Variants in ANK2 observed in about 807,000 individuals in gnomAD.
ANK2 encodes ankyrin-2.
A neutral mutation model predicts 360.5 loss-of-function variants in ANK2; 83 were observed. The ratio of observed to expected loss-of-function variants is 0.23; its 90% CI spans 0.19 to 0.28. The LOEUF is 0.28. ANK2 is among the 10% of genes least tolerant of loss of function. The probability of loss-of-function intolerance (pLI) is 1.00; values close to 1 mark genes in which losing one functional copy is unlikely to be tolerated. For missense variants in ANK2, 4,201 were observed against 4,795.7 expected (o/e 0.88, Z 3.66); for synonymous variants, 1,740 against 1,759.5 (o/e 0.99, Z 0.28).
At chr4:112,775,515 T>TCTCACACACACACACA in the ANK2 span, among the ~76,000 whole-genome samples, 4 of 118,156 alleles carry the variant, frequency 3.4e-5, no homozygotes, top group East Asian at 4.6e-4. Context: ...CTAAGCTCCA[T>TCTCACACACACACACA]CACACACACA....
chr4:112,913,280 T>TA (rs1205651612), intron 2 of ANK2, among the ~76,000 whole-genome samples: 3 of 152,232 alleles, frequency 2.0e-5, no homozygotes, highest in Non-Finnish European at 2.9e-5. Context: ...AGTTTTATGG[T>TA]AAAATGAAGC....
chr4:113,107,836 T>C (rs1357318936), intron 1 of ANK2, among the ~76,000 whole-genome samples: 1 of 152,136 alleles, frequency 6.6e-6, no homozygotes. Context: ...TTGAAGCCCA[T>C]AAAGGTGAAG....
At chr4:112,749,807 G>A in the ANK2 span, among the ~76,000 whole-genome samples, 13 of 151,642 alleles carry the variant, frequency 8.6e-5, no homozygotes, top group Middle Eastern at 3.4e-3. Flanking sequence ...GTGCAGTGGC[G>A]CGATCTTGGC....
rs966611968 is a variant in ANK2 at position 113,085,576 on chromosome 4, G to A, written c.84+35764G>A. 2.6e-5 allele frequency among the ~76,000 whole-genome samples: 4 copies of A among 152,126 alleles called. No homozygotes were observed. In the East Asian group the frequency reaches 7.7e-4, roughly 29 times the overall value. ...CCTGCCTCGGCCTCCCAAAGTGCTG[G>A]GATTACAGACGTGAGCCACCGCGCC... On this transcript the variant is annotated intron_variant, in intron 1 of 45. Transcript: ENST00000357077.
At chr4:113,141,211 T>C (rs563425873) in intron 1 of ANK2, 1 of 152,250 alleles carries the variant, frequency 6.6e-6, no homozygotes, top group South Asian at 2.1e-4. Context: ...AGTGAAATGG[T>C]CCTCACCTTG....
the ANK2 span, among the ~76,000 whole-genome samples, chr4:112,723,735 C>G: frequency 1.3e-5 from 2 of 152,182 alleles, no homozygotes; most frequent in South Asian, 2.1e-4. Flanking sequence ...TTATGGTGAT[C>G]AAAAGCATTG....
intron 1 of ANK2, among the ~76,000 whole-genome samples, chr4:113,084,765 A>T (rs184882402): frequency 6.6e-6 from 1 of 152,204 alleles, no homozygotes; most frequent in South Asian, 2.1e-4. Flanking sequence ...GTATTTAGTG[A>T]TTATGACATA....
chr4:112,723,351 A>G, the ANK2 span, among the ~76,000 whole-genome samples: 4 of 152,030 alleles, frequency 2.6e-5, no homozygotes, highest in African/African-American at 9.7e-5. Flanking sequence ...CTGGCTCCTC[A>G]AGATTTTTTT....
intron 4 of ANK2, among the ~76,000 whole-genome samples, chr4:113,231,472 TTAAA>T (rs956890428): frequency 7.9e-5 from 12 of 152,314 alleles, no homozygotes; most frequent in African/African-American, 2.9e-4. Context: ...CATGGTCTGT[TTAAA>T]TAGTTTATGA....
intron 4 of ANK2, among the ~76,000 whole-genome samples, chr4:113,207,851 C>T (rs951855393): frequency 1.3e-5 from 2 of 152,066 alleles, no homozygotes; most frequent in African/African-American, 4.8e-5. Flanking sequence ...ATGAGGTGGG[C>T]AGGGGGCATG....
chr4:113,319,639 G>T (rs963741309), intron 26 of ANK2, among the ~76,000 whole-genome samples: 2 of 151,804 alleles, frequency 1.3e-5, no homozygotes, highest in South Asian at 2.1e-4. Flanking sequence ...CTAAGTAAAG[G>T]TTCATACAAT....
At chr4:113,071,259 G>A (rs1019454905) in intron 1 of ANK2, among the ~76,000 whole-genome samples, 114 of 152,264 alleles carry the variant, frequency 7.5e-4, no homozygotes, top group African/African-American at 2.6e-3. Flanking sequence ...AAGCACTGGC[G>A]CGTGTGACAG....
chr4:112,715,375 G>C, the ANK2 span, among the ~76,000 whole-genome samples: 30 of 152,168 alleles, frequency 2.0e-4, no homozygotes, highest in African/African-American at 7.0e-4. Flanking sequence ...TATTCCATGG[G>C]AGGGATGGAT....
intron 45 of ANK2, chr4:113,378,237 A>G: frequency 2.3e-6 from 2 of 882,256 alleles, no homozygotes; most frequent in Middle Eastern, 2.7e-4. Context: ...AATTTTTCCA[A>G]TTTTAAGAAA....
At chr4:113,190,599 A>G (rs2098644865) in intron 2 of ANK2, among the ~76,000 whole-genome samples, 1 of 152,156 alleles carries the variant, frequency 6.6e-6, no homozygotes, top group Admixed American at 6.6e-5. Context: ...GTTGAGGTCT[A>G]AAGAAAATAA....
At chr4:113,214,051 T>C (rs2099057437) in intron 4 of ANK2, 3 of 703,486 alleles carry the variant, frequency 4.3e-6, no homozygotes, top group South Asian at 3.2e-5. Context: ...GCTCCTTACA[T>C]GGGCTTTGGT....
At position 113,341,804 on chromosome 4, in the gene ANK2, A is replaced by G; in HGVS notation, c.4010A>G (p.His1337Arg). 3 of 1,614,156 alleles carry G rather than the reference A, an allele frequency of 1.9e-6. No homozygotes were observed. Among genetic ancestry groups the G allele is most frequent in the Non-Finnish European group, 2.5e-6 (3 of 1,180,026 alleles). Residue 1337 changes from histidine to arginine, a missense_variant, in exon 33 of 46, where the codon CAT (histidine) becomes CGT (arginine). Physicochemically the swap from His to Arg is conservative, Grantham distance 29. Transcript: ENST00000357077. ...AAATTTGTAGTGTTTGCCAAATCAC[A>G]TGACCCCATTGAAGCCAGGTTGAGG... ...MAKFVVFAKS[H>R]DPIEARLRCF...
At chr4:113,248,131 G>A (rs192874186) in intron 9 of ANK2, among the ~76,000 whole-genome samples, 40 of 152,228 alleles carry the variant, frequency 2.6e-4, no homozygotes, top group African/African-American at 9.1e-4. Flanking sequence ...CAATATCTTC[G>A]TACTAGCTAA....
chr4:113,175,560 A>C (rs888643625), intron 2 of ANK2, among the ~76,000 whole-genome samples: 11 of 152,186 alleles, frequency 7.2e-5, no homozygotes, highest in Non-Finnish European at 1.0e-4. Flanking sequence ...TGTGGTACTT[A>C]ACAGAGTTGT....
Sources: allele counts gnomAD v4.1 joint callset (sites outside exome capture counted in the v4.1 genomes callset), GRCh38; gene constraint gnomAD v4.1.1; transcripts MANE v1.5; gene names NCBI Gene and HGNC (gene_info 2026-07-23, HGNC 2026-07-21).